The following SPATA9 variants were observed in gnomAD, a reference collection of about 807,000 sequenced individuals.
SPATA9 encodes spermatogenesis-associated protein 9.
A neutral mutation model predicts 25.5 loss-of-function variants in SPATA9; 27 were observed. That is an observed-to-expected ratio of 1.06 (90% CI 0.78 to 1.46). The LOEUF (loss-of-function observed/expected upper bound fraction) is 1.46, where lower values mean the gene tolerates loss of function less well. Among genes scored for constraint, SPATA9 ranks in the 40% most tolerant of loss-of-function variants. SPATA9 has a pLI of 0.00. For synonymous variants in SPATA9, 102 were observed against 105.7 expected (o/e 0.97, Z 0.21); for missense variants, 282 against 297.5 (o/e 0.95, Z 0.38).
At chr5:95,690,184 TA>T (rs200502733) in intron 1 of SPATA9, among the ~76,000 whole-genome samples, 1 of 151,714 alleles carries the variant, frequency 6.6e-6, no homozygotes, top group African/African-American at 2.4e-5. Context: ...AAATAAAAGT[TA>T]AAAAAAAGAA....
chr5:95,691,518 C>T (rs1003649067), intron 1 of SPATA9, among the ~76,000 whole-genome samples: 1 of 152,064 alleles, frequency 6.6e-6, no homozygotes, highest in Non-Finnish European at 1.5e-5. Flanking sequence ...GTATGTTTTA[C>T]GTTCTGTTAA....
chr5:95,696,672 T>C (rs984883853), intron 1 of SPATA9, among the ~76,000 whole-genome samples: 1 of 152,082 alleles, frequency 6.6e-6, no homozygotes, highest in Admixed American at 6.5e-5. Flanking sequence ...GGGTCAGGAG[T>C]TCGAGACCAC....
At chr5:95,731,277 G>A in the SPATA9 span, 1 of 1,018,054 alleles carries the variant, frequency 9.8e-7, no homozygotes, top group East Asian at 9.6e-5. Flanking sequence ...AGGGGGCGGA[G>A]GCCCCGATCT....
chr5:95,721,468 G>C, the SPATA9 span, among the ~76,000 whole-genome samples: 835 of 152,278 alleles, frequency 5.5e-3, 11 homozygotes, highest in African/African-American at 0.019. Flanking sequence ...TCGGAGTTGT[G>C]ACAGTTACTG....
intron 1 of SPATA9, among the ~76,000 whole-genome samples, chr5:95,690,059 A>T (rs1156807558): frequency 6.6e-6 from 1 of 152,102 alleles, no homozygotes; most frequent in Non-Finnish European, 1.5e-5. Context: ...AAGGAGGGAG[A>T]GGATGAGAAA....
intron 4 of SPATA9, among the ~76,000 whole-genome samples, chr5:95,661,820 TTACA>T (rs1047239942): frequency 1.7e-4 from 26 of 152,120 alleles, no homozygotes; most frequent in African/African-American, 6.0e-4. Context: ...TCTAGTCAAC[TTACA>T]TACACACACA....
the SPATA9 span, among the ~76,000 whole-genome samples, chr5:95,728,784 A>T: frequency 6.6e-6 from 1 of 152,232 alleles, no homozygotes; most frequent in Non-Finnish European, 1.5e-5. Context: ...ATAGGAGGTC[A>T]GCACAGGATA....
intron 1 of SPATA9, among the ~76,000 whole-genome samples, chr5:95,695,736 T>C (rs930839815): frequency 6.6e-6 from 1 of 152,220 alleles, no homozygotes; most frequent in Non-Finnish European, 1.5e-5. Flanking sequence ...GAAATATTTG[T>C]TAAATCATAT....
the SPATA9 span, among the ~76,000 whole-genome samples, chr5:95,719,211 G>A: frequency 3.3e-5 from 5 of 152,296 alleles, no homozygotes; most frequent in Non-Finnish European, 4.4e-5. Flanking sequence ...TTGACTGGGA[G>A]GTTGCTAAAT....
chr5:95,715,299 G>T, the SPATA9 span, among the ~76,000 whole-genome samples: 2 of 151,346 alleles, frequency 1.3e-5, no homozygotes. Context: ...ACTCCAGCCT[G>T]GGGACAGAGA....
the SPATA9 span, chr5:95,731,966 G>T: frequency 6.2e-7 from 1 of 1,614,186 alleles, no homozygotes; most frequent in Non-Finnish European, 8.5e-7. Context: ...CTGGTCTCCG[G>T]GGACGAGAGC....
At chr5:95,709,572 C>T in the SPATA9 span, among the ~76,000 whole-genome samples, 1 of 152,250 alleles carries the variant, frequency 6.6e-6, no homozygotes, top group Non-Finnish European at 1.5e-5. Context: ...GAGCTATGGA[C>T]GAGGTGAAGG....
the SPATA9 span, among the ~76,000 whole-genome samples, chr5:95,726,939 T>C: frequency 6.6e-6 from 1 of 151,980 alleles, no homozygotes; most frequent in Admixed American, 6.6e-5. Context: ...CATTAACTAG[T>C]AGTAAAGCTT....
chr5:95,717,780 T>C, the SPATA9 span: 48 of 152,256 alleles, frequency 3.2e-4, no homozygotes, highest in Admixed American at 2.0e-3. Context: ...GGAATCATTA[T>C]AATAAAATTC....
intron 3 of SPATA9, among the ~76,000 whole-genome samples, chr5:95,666,611 G>T (rs1580301827): frequency 6.6e-6 from 1 of 152,124 alleles, no homozygotes; most frequent in East Asian, 1.9e-4. Flanking sequence ...GTTCAAAATA[G>T]TAAGCATAAC....
intron 1 of SPATA9, among the ~76,000 whole-genome samples, chr5:95,691,784 A>C (rs1753901984): frequency 6.6e-6 from 1 of 152,202 alleles, no homozygotes; most frequent in African/African-American, 2.4e-5. Flanking sequence ...TTTTCAATTA[A>C]AATGGCTTCA....
At chr5:95,701,915 A>G (rs926053546), upstream of SPATA9, among the ~76,000 whole-genome samples, 2 of 152,244 alleles carry the variant, frequency 1.3e-5, no homozygotes, top group African/African-American at 4.8e-5. Context: ...TGTTCTAGAA[A>G]AAAACAGTAA....
At chr5:95,693,883 G>T (rs1203761322) in intron 1 of SPATA9, among the ~76,000 whole-genome samples, 1 of 152,314 alleles carries the variant, frequency 6.6e-6, no homozygotes, top group African/African-American at 2.4e-5. Context: ...GCAAAGTCCA[G>T]ACCAGGTGGT....
the SPATA9 span, among the ~76,000 whole-genome samples, chr5:95,715,986 G>A: frequency 6.6e-6 from 1 of 152,316 alleles, no homozygotes; most frequent in East Asian, 1.9e-4. Context: ...TCAAGGAAAT[G>A]CAAATGAAAA....
Sources: gnomAD v4.1 joint callset for allele counts (sites outside exome capture counted in the v4.1 genomes callset) on GRCh38, gnomAD v4.1.1 for gene constraint, MANE v1.5 for transcripts, NCBI Gene and HGNC (gene_info 2026-07-23, HGNC 2026-07-21) for gene names.